Variants in PDE3A observed in about 807,000 individuals in gnomAD.
PDE3A encodes the protein cGMP-inhibited 3',5'-cyclic phosphodiesterase 3A.
In PDE3A, 43 loss-of-function variants were observed where a neutral mutation model predicts 98.3. That is an observed-to-expected ratio of 0.44 (90% CI 0.34 to 0.56). The LOEUF is 0.56. PDE3A is among the 20% of genes least tolerant of loss of function. PDE3A has a pLI of 0.01. For missense variants in PDE3A, 1,427 were observed against 1,440.7 expected, an observed-to-expected ratio of 0.99 and a Z score of 0.15; for synonymous variants, 663 against 567.9, an observed-to-expected ratio of 1.17 and a Z score of -2.38.
intron 1 of PDE3A, chr12:20,551,601 G>C: frequency 6.4e-7 from 1 of 1,557,896 alleles, no homozygotes; most frequent in Non-Finnish European, 8.7e-7. Context: ...GCGGGGGCCG[G>C]CAGGACCCCG....
chr12:20,477,031 G>T (rs376748703), intron 1 of PDE3A, among the ~76,000 whole-genome samples: 1 of 152,158 alleles, frequency 6.6e-6, no homozygotes, highest in South Asian at 2.1e-4. Flanking sequence ...ATACTATTTC[G>T]TGGTTTAGTA....
intron 1 of PDE3A, among the ~76,000 whole-genome samples, chr12:20,505,007 T>C (rs867874726): frequency 1.3e-5 from 2 of 152,206 alleles, no homozygotes; most frequent in Non-Finnish European, 2.9e-5. Flanking sequence ...ACCAGAGGTC[T>C]TTTCCTTGTA....
chr12:20,648,862 T>A lies in PDE3A; in HGVS notation c.2740T>A (p.Phe914Ile). ...AILATDLKKH[F>I]DFVAKFNGKV... ...TTTGGCCACTGACCTGAAGAAACAC[T>A]TTGACTTCGTAGCCAAATTTAATGG... The change falls in exon 13 of 16, where the codon TTT becomes ATT. Residue 914 changes from phenylalanine to isoleucine, a missense_variant. Phe to Ile is a conservative substitution (Grantham distance 21, BLOSUM62 0). Coordinates refer to ENST00000359062, the MANE Select transcript of PDE3A (RefSeq NM_000921.5). 6.2e-7 allele frequency: 1 copy of A among 1,613,348 alleles called. No homozygotes were observed. Among genetic ancestry groups the A allele is most frequent in the South Asian group, 1.1e-5 (1 of 91,064 alleles).
At chr12:20,389,130 G>A (rs975978424) in intron 1 of PDE3A, among the ~76,000 whole-genome samples, 5 of 151,986 alleles carry the variant, frequency 3.3e-5, no homozygotes, top group African/African-American at 1.2e-4. Flanking sequence ...TTACGGTTCT[G>A]TCGAAGGAGA....
At chr12:20,431,853 A>G (rs1278616833) in intron 1 of PDE3A, among the ~76,000 whole-genome samples, 1 of 152,226 alleles carries the variant, frequency 6.6e-6, no homozygotes, top group African/African-American at 2.4e-5. Context: ...ATAGTTTAAT[A>G]ACACATTTTG....
intron 15 of PDE3A, among the ~76,000 whole-genome samples, chr12:20,667,568 A>G (rs1025962697): frequency 3.9e-5 from 6 of 152,184 alleles, no homozygotes; most frequent in Non-Finnish European, 8.8e-5. Context: ...CCTTTGTCAT[A>G]AATCAGTTGG....
At chr12:20,675,611 G>C (rs976971482) in intron 15 of PDE3A, among the ~76,000 whole-genome samples, 1 of 152,032 alleles carries the variant, frequency 6.6e-6, no homozygotes, top group East Asian at 1.9e-4. Flanking sequence ...CAGCCTTTTG[G>C]CTAAGATCAG....
chr12:20,556,656 C>T lies in PDE3A; in HGVS notation c.961-4C>T, dbSNP rs1253653087. 1 of 1,573,176 alleles carries T rather than the reference C, an allele frequency of 6.4e-7. No homozygotes were observed. The highest frequency in any genetic ancestry group is 8.7e-7 in the Non-Finnish European group (1 of 1,143,662). On this transcript the variant is annotated splice_region_variant and splice_polypyrimidine_tract_variant and intron_variant, in intron 1 of 15. Transcript: ENST00000359062. Reference sequence around the variant, plus strand: ...TTAACTTATTATAATTTTCATCTTTCCAGCTCATGGGGCATTCAGAATGGG... The same window carrying T: ...TTAACTTATTATAATTTTCATCTTTTCAGCTCATGGGGCATTCAGAATGGG...
intron 1 of PDE3A, among the ~76,000 whole-genome samples, chr12:20,489,270 T>C (rs979361761): frequency 2.0e-5 from 3 of 152,200 alleles, no homozygotes; most frequent in African/African-American, 7.2e-5. Flanking sequence ...TTTCTAGAGA[T>C]GAATACAGAA....
chr12:20,515,278 T>C (rs1946296771), intron 1 of PDE3A, among the ~76,000 whole-genome samples: 2 of 152,346 alleles, frequency 1.3e-5, no homozygotes, highest in South Asian at 4.1e-4. Context: ...ATATAGTAGA[T>C]ACTGAAGAAA....
rs186121797 is a variant in PDE3A at position 20,597,871 on chromosome 12, A to G, written c.1012-15572A>G. 9.5e-5 allele frequency among the ~76,000 whole-genome samples: 14 copies of G among 146,740 alleles called. No individual in the cohort carries two copies. The East Asian group carries it at 2.6e-3, about 28-fold the overall frequency. ...GTTAATATTTGTCAAATGAATGAAG[A>G]AGAAATGGATATTTTTTCAGTACCT... On this transcript the variant is annotated intron_variant, in intron 2 of 15. Coordinates refer to ENST00000359062, the MANE Select transcript of PDE3A (RefSeq NM_000921.5).
At chr12:20,526,178 T>C (rs1345596999) in intron 1 of PDE3A, among the ~76,000 whole-genome samples, 1 of 152,220 alleles carries the variant, frequency 6.6e-6, no homozygotes, top group Non-Finnish European at 1.5e-5. Flanking sequence ...TCACCTTCTT[T>C]ACACACTGGC....
At chr12:20,392,904 T>C (rs61911357) in intron 1 of PDE3A, among the ~76,000 whole-genome samples, 35,351 of 151,768 alleles carry the variant, frequency 0.23, 4,581 homozygotes, top group East Asian at 0.45. Flanking sequence ...TTCTCACTTA[T>C]ATGTGGGAGC....
chr12:20,408,000 A>T (rs1944263940), intron 1 of PDE3A, among the ~76,000 whole-genome samples: 1 of 151,994 alleles, frequency 6.6e-6, no homozygotes, highest in African/African-American at 2.4e-5. Context: ...GCTCACTGCA[A>T]CCTCCGTCTG....
chr12:20,518,627 T>A (rs1367899411), intron 1 of PDE3A, among the ~76,000 whole-genome samples: 1 of 152,188 alleles, frequency 6.6e-6, no homozygotes, highest in Non-Finnish European at 1.5e-5. Flanking sequence ...CCAAGATTAA[T>A]AGATGTTTCA....
At chr12:20,430,256 A>C (rs1000603990) in intron 1 of PDE3A, among the ~76,000 whole-genome samples, 3 of 152,192 alleles carry the variant, frequency 2.0e-5, no homozygotes, top group African/African-American at 7.2e-5. Flanking sequence ...AGTTAATAAA[A>C]ATAACTGGCC....
chr12:20,571,952 T>G, intron 2 of PDE3A: 8 of 1,054,976 alleles, frequency 7.6e-6, no homozygotes, highest in Non-Finnish European at 8.0e-6. Context: ...ATGGGAAATT[T>G]GAGCACACAG....
chr12:20,511,469 G>T (rs1477932607), intron 1 of PDE3A, among the ~76,000 whole-genome samples: 1 of 151,326 alleles, frequency 6.6e-6, no homozygotes, highest in African/African-American at 2.4e-5. Flanking sequence ...ATGGTGATAT[G>T]TCAGTTGGAC....
At chr12:20,611,889 A>G (rs1943863970) in intron 2 of PDE3A, among the ~76,000 whole-genome samples, 1 of 149,018 alleles carries the variant, frequency 6.7e-6, no homozygotes. Context: ...ATACAGATAT[A>G]ATGAAATTTA....
Sources: allele counts gnomAD v4.1 joint callset (sites outside exome capture counted in the v4.1 genomes callset), GRCh38; gene constraint gnomAD v4.1.1; transcripts MANE v1.5; gene names NCBI Gene and HGNC (gene_info 2026-07-23, HGNC 2026-07-21).